Variants in PLEKHD1 observed in about 807,000 individuals in gnomAD.
The protein encoded by PLEKHD1 is pleckstrin homology domain-containing family D member 1.
In PLEKHD1, 51 loss-of-function variants were observed where a neutral mutation model predicts 69.2. That is an observed-to-expected ratio of 0.74 (90% CI 0.59 to 0.93). The LOEUF is 0.93. Among genes scored for constraint, PLEKHD1 ranks in the 40% least tolerant of loss-of-function variants. PLEKHD1 has a pLI of 0.00. For missense variants in PLEKHD1, 584 were observed against 641.0 expected (o/e 0.91, Z 0.96); for synonymous variants, 236 against 244.7 (o/e 0.96, Z 0.33).
intron 5 of PLEKHD1, 95 bp from the exon 6 acceptor site, chr14:69,502,732 G>T (rs1883057719): frequency 1.3e-6 from 2 of 1,485,582 alleles, no homozygotes; most frequent in African/African-American, 1.4e-5. Flanking sequence ...AGATGCTGGG[G>T]GTGACAGCGA....
intron 6 of PLEKHD1, among the ~76,000 whole-genome samples, chr14:69,512,995 C>T (rs1415069476): frequency 1.3e-5 from 2 of 151,968 alleles, no homozygotes; most frequent in African/African-American, 4.8e-5. Flanking sequence ...GAGGCTGAGG[C>T]AGGAGGATTA....
chr14:69,487,244 G>T (rs17836240), intron 1 of PLEKHD1, among the ~76,000 whole-genome samples: 1 of 151,292 alleles, frequency 6.6e-6, no homozygotes, highest in Non-Finnish European at 1.5e-5. Context: ...TCTTGGGTCA[G>T]TGACAGAGCC....
chr14:69,509,877 G>T (rs1343152573), intron 6 of PLEKHD1, among the ~76,000 whole-genome samples: 6 of 152,058 alleles, frequency 3.9e-5, no homozygotes, highest in African/African-American at 1.4e-4. Context: ...GGCAGAGGTT[G>T]CTGTGAGCCA....
At chr14:69,516,171 C>T (rs562405478) in intron 6 of PLEKHD1, among the ~76,000 whole-genome samples, 2 of 152,332 alleles carry the variant, frequency 1.3e-5, no homozygotes, top group African/African-American at 4.8e-5. Context: ...TTCTAAATTC[C>T]TTACATGCTG....
intron 1 of PLEKHD1, among the ~76,000 whole-genome samples, chr14:69,493,621 C>T (rs530342164): frequency 3.7e-4 from 57 of 152,304 alleles, no homozygotes; most frequent in African/African-American, 1.3e-3. Context: ...AGCATCAGGG[C>T]CTTTGCACCT....
At chr14:69,501,131 G>A (rs912498554) in intron 4 of PLEKHD1, 184 bp downstream of exon 4, 4 of 632,354 alleles carry the variant, frequency 6.3e-6, no homozygotes, top group Non-Finnish European at 1.1e-5. Context: ...TCCCCTGAGT[G>A]AGCTTGAAAA....
chr14:69,513,601 G>C (rs1883319986), intron 6 of PLEKHD1, among the ~76,000 whole-genome samples: 1 of 152,186 alleles, frequency 6.6e-6, no homozygotes, highest in Admixed American at 6.5e-5. Context: ...CTAAGTTACA[G>C]TTCATCCATA....
chr14:69,483,265 A>G (rs1456008233), upstream of PLEKHD1, among the ~76,000 whole-genome samples: 1 of 151,884 alleles, frequency 6.6e-6, no homozygotes, highest in Admixed American at 6.6e-5. Flanking sequence ...TACCAGGGTG[A>G]TGATTAGCTA....
chr14:69,476,355 C>T, the PLEKHD1 span, among the ~76,000 whole-genome samples: 15 of 149,910 alleles, frequency 1.0e-4, no homozygotes, highest in African/African-American at 2.5e-4. Flanking sequence ...AGTAGTTCAA[C>T]GCTAGCATGG....
At chr14:69,478,520 C>T in the PLEKHD1 span, among the ~76,000 whole-genome samples, 1 of 152,202 alleles carries the variant, frequency 6.6e-6, no homozygotes, top group Admixed American at 6.5e-5. Flanking sequence ...ATGTCTTTAA[C>T]AGCACCCAAG....
At chr14:69,499,646 A>G (rs1354095356) in intron 1 of PLEKHD1, among the ~76,000 whole-genome samples, 1 of 152,240 alleles carries the variant, frequency 6.6e-6, no homozygotes, top group African/African-American at 2.4e-5. Flanking sequence ...CGGAATGCCA[A>G]TGTCACACTG....
chr14:69,524,494 G>A (rs1883595361), intron 8 of PLEKHD1, among the ~76,000 whole-genome samples, 172 bp downstream of exon 8: 5 of 152,114 alleles, frequency 3.3e-5, no homozygotes, highest in Admixed American at 2.6e-4. Flanking sequence ...AACTCTGGCC[G>A]AGGCATGAGG....
chr14:69,509,874 G>T (rs1220436442), intron 6 of PLEKHD1, among the ~76,000 whole-genome samples: 2 of 151,714 alleles, frequency 1.3e-5, no homozygotes, highest in Non-Finnish European at 2.9e-5. Flanking sequence ...GGAGGCAGAG[G>T]TTGCTGTGAG....
chr14:69,499,236 C>G (rs1304136016), intron 1 of PLEKHD1, among the ~76,000 whole-genome samples: 5 of 90,340 alleles, frequency 5.5e-5, no homozygotes, highest in Non-Finnish European at 1.2e-4. Flanking sequence ...CACACACACA[C>G]ACACACACAC....
chr14:69,475,897 G>A, the PLEKHD1 span, among the ~76,000 whole-genome samples: 8 of 152,174 alleles, frequency 5.3e-5, no homozygotes, highest in East Asian at 1.2e-3. Context: ...AAGGCCCATC[G>A]TGGCCTTAGG....
chr14:69,500,040 A>G (rs1387196614), intron 1 of PLEKHD1, 75 bp from the exon 2 acceptor site: 3 of 1,044,564 alleles, frequency 2.9e-6, no homozygotes, highest in African/African-American at 3.2e-5. Flanking sequence ...AGGGCCCCCA[A>G]GGGTGCTCTT....
intron 4 of PLEKHD1, 97 bp downstream of exon 4, chr14:69,501,044 G>C: frequency 1.6e-6 from 2 of 1,288,364 alleles, no homozygotes; most frequent in Non-Finnish European, 2.2e-6. Context: ...ATCCTGGTGG[G>C]CACAGGGCCA....
chr14:69,519,875 C>T (rs537828398), intron 6 of PLEKHD1, among the ~76,000 whole-genome samples: 2 of 152,190 alleles, frequency 1.3e-5, no homozygotes, highest in Non-Finnish European at 1.5e-5. Flanking sequence ...AAAAGCTGGG[C>T]GCCTGGCCGC....
chr14:69,488,229 T>C (rs975813036), intron 1 of PLEKHD1, among the ~76,000 whole-genome samples: 14 of 152,184 alleles, frequency 9.2e-5, no homozygotes, highest in Non-Finnish European at 1.8e-4. Context: ...TGTGTAAAGA[T>C]TATCTGTGCA....
Sources: allele counts gnomAD v4.1 joint callset (sites outside exome capture counted in the v4.1 genomes callset), GRCh38; gene constraint gnomAD v4.1.1; transcripts MANE v1.5; gene names NCBI Gene and HGNC (gene_info 2026-07-23, HGNC 2026-07-21).